DAAM1: variants seen among roughly 807,000 people sequenced by gnomAD.
DAAM1 encodes disheveled-associated activator of morphogenesis 1.
Under a neutral mutation model 130.0 loss-of-function variants are expected in DAAM1, and 52 were observed. The ratio of observed to expected loss-of-function variants is 0.40; its 90% confidence interval spans 0.32 to 0.50. DAAM1 has a LOEUF of 0.50. Among genes scored for constraint, DAAM1 ranks in the 20% least tolerant of loss-of-function variants. The pLI is 0.61. For missense variants in DAAM1, 1,134 were observed against 1,303.8 expected, an observed-to-expected ratio of 0.87 and a Z score of 2.01; for synonymous variants, 452 against 444.5, an observed-to-expected ratio of 1.02 and a Z score of -0.21.
At chr14:59,315,589 ATGT>A (rs1479174774) in intron 4 of DAAM1, among the ~76,000 whole-genome samples, 1 of 152,194 alleles carries the variant, frequency 6.6e-6, no homozygotes, top group Non-Finnish European at 1.5e-5. Flanking sequence ...ATTGAGTTTA[ATGT>A]TGTAAGTGAA....
At chr14:59,347,218 T>C (rs1886118930) in intron 16 of DAAM1, among the ~76,000 whole-genome samples, 1 of 152,230 alleles carries the variant, frequency 6.6e-6, no homozygotes, top group Non-Finnish European at 1.5e-5. Context: ...CTGCAGTTCA[T>C]GGATCCTAAA....
chr14:59,371,105 A>AC lies in DAAM1; in HGVS notation c.*2246_*2247insC, dbSNP rs1887151765. ...GTGCCATTGTTGAAAAGAAAAAAAA[A>AC]AAACAAAAAAAAAACCTACTTTTTA... On this transcript the variant is annotated 3_prime_UTR_variant, in exon 25 of 25. Transcript: ENST00000360909. 3.4e-5 allele frequency: 1 copy of AC among 29,222 alleles called. No homozygotes were observed. Among genetic ancestry groups the AC allele is most frequent in the South Asian group, 1.1e-3 (1 of 936 alleles). The allele number at this position is 29,222 out of a possible 1,614,324, so 1.8% of individuals were successfully genotyped here.
At chr14:59,213,943 A>G (rs1427565112) in intron 1 of DAAM1, among the ~76,000 whole-genome samples, 4 of 152,160 alleles carry the variant, frequency 2.6e-5, no homozygotes, top group African/African-American at 9.7e-5. Context: ...GCAACCTCAG[A>G]GCTTGTTTCT....
chr14:59,212,719 GT>G (rs1482587403), intron 1 of DAAM1, among the ~76,000 whole-genome samples: 9 of 152,158 alleles, frequency 5.9e-5, no homozygotes, highest in African/African-American at 2.2e-4. Flanking sequence ...GTCAGTGTAG[GT>G]AGTAGAATCT....
intron 2 of DAAM1, chr14:59,265,505 G>T (rs1300868502): frequency 6.6e-6 from 1 of 152,190 alleles, no homozygotes; most frequent in Non-Finnish European, 1.5e-5. Context: ...GGCAACAAAA[G>T]AATAATCACA....
chr14:59,370,372 T>C lies in DAAM1; in HGVS notation c.*1513T>C, dbSNP rs1887117530. On this transcript the variant is annotated 3_prime_UTR_variant, in exon 25 of 25. Transcript: ENST00000360909. ...TGTACCAGGCATAGTAGGGCTACAATGGTAAGCAAGACAGAGTCCCTGCCC... is the reference window on the plus strand; with the variant it reads ...TGTACCAGGCATAGTAGGGCTACAACGGTAAGCAAGACAGAGTCCCTGCCC... 6.6e-6 allele frequency: 1 copy of C among 152,000 alleles called. No homozygotes were observed. The highest frequency in any genetic ancestry group is 2.1e-4 in the South Asian group (1 of 4,824). 9.4% of individuals were successfully genotyped at this position (152,000 alleles called of 1,614,324 possible). A position where few individuals can be genotyped will look rare whatever the true frequency, so the allele number is the denominator to read the frequency against.
At chr14:59,289,126 A>C (rs1035143756) in intron 2 of DAAM1, among the ~76,000 whole-genome samples, 7 of 152,034 alleles carry the variant, frequency 4.6e-5, no homozygotes, top group African/African-American at 1.4e-4. Flanking sequence ...CATGTTGTCC[A>C]GGCTGGTCTT....
At chr14:59,192,921 C>T (rs547764297) in intron 1 of DAAM1, among the ~76,000 whole-genome samples, 54 of 152,238 alleles carry the variant, frequency 3.5e-4, no homozygotes, top group African/African-American at 1.2e-3. Context: ...GGTGTGGTGG[C>T]GGGTGCCTGT....
At chr14:59,277,535 A>G (rs1025052188) in intron 2 of DAAM1, among the ~76,000 whole-genome samples, 8 of 150,922 alleles carry the variant, frequency 5.3e-5, no homozygotes, top group Non-Finnish European at 1.0e-4. Context: ...AATATATAAA[A>G]GTATAATTAA....
intron 1 of DAAM1, among the ~76,000 whole-genome samples, chr14:59,217,130 A>G (rs1207189834): frequency 6.6e-6 from 1 of 152,118 alleles, no homozygotes; most frequent in Non-Finnish European, 1.5e-5. Flanking sequence ...GGCAGGGGTG[A>G]GGTAGGGTAA....
rs190725699 is a variant in DAAM1, at chr14:59,232,390, C to T, written c.-37-31051C>T. Reference sequence around the variant, plus strand: ...CAGAAGACCTTTGACTTCCTTTATTCTTGAATCTAAAAATGCAAAGTTGTC... The same window carrying T: ...CAGAAGACCTTTGACTTCCTTTATTTTTGAATCTAAAAATGCAAAGTTGTC... On this transcript the variant is annotated intron_variant, in intron 1 of 24. Transcript: ENST00000360909. Among the ~76,000 whole-genome samples, 182 of 152,232 alleles carry T rather than the reference C, an allele frequency of 1.2e-3. 1 individual carries two copies. Among genetic ancestry groups the T allele is most frequent in the Non-Finnish European group, 1.4e-3 (98 of 67,990 alleles).
At chr14:59,342,853 G>A (rs1024597404) in intron 16 of DAAM1, among the ~76,000 whole-genome samples, 5 of 152,138 alleles carry the variant, frequency 3.3e-5, no homozygotes, top group Non-Finnish European at 7.4e-5. Flanking sequence ...AGGAGGGGCC[G>A]GGAAGGTGGT....
chr14:59,274,280 T>TC (rs1395274822), intron 2 of DAAM1, among the ~76,000 whole-genome samples: 2 of 152,160 alleles, frequency 1.3e-5, no homozygotes, highest in Non-Finnish European at 2.9e-5. Flanking sequence ...AATTAAAAAC[T>TC]CAGAATATAT....
chr14:59,216,396 T>C (rs1432553103), intron 1 of DAAM1, among the ~76,000 whole-genome samples: 1 of 151,966 alleles, frequency 6.6e-6, no homozygotes, highest in East Asian at 1.9e-4. Flanking sequence ...TTTCATAGAG[T>C]AGGCAAAAAA....
Position 59,316,013 on chromosome 14 carries a change from C to T in DAAM1, c.345+662C>T, listed in dbSNP as rs140719189. The stretch of plus-strand genomic sequence containing the variant: ...TCTGTGATGTCAGCATTGCCAGCAG[C>T]TTGAGGGACACCTATTCATCACAGC... On this transcript the variant is annotated intron_variant, in intron 4 of 24. Transcript: ENST00000360909. 2.1e-3 allele frequency among the ~76,000 whole-genome samples: 324 copies of T among 152,298 alleles called. 2 individuals are homozygous for T. The highest frequency in any genetic ancestry group is 7.2e-3 in the African/African-American group (300 of 41,564).
At position 59,198,857 on chromosome 14, in the gene DAAM1, G is replaced by A. The variant is rs1268349555; in HGVS notation, c.-38+10089G>A. Among the ~76,000 whole-genome samples the A allele has an allele frequency of 2.0e-5, 3 of 152,300 alleles. No individual in the cohort carries two copies. The East Asian group carries it at 5.8e-4, about 29-fold the overall frequency. ...TTTAGGTTCAGTTTGGGTAATCGTG[G>A]CAATTCCTTTAAACTTTCCGGACCT... On this transcript the variant is annotated intron_variant, in intron 1 of 24. Transcript: ENST00000360909.
intron 2 of DAAM1, among the ~76,000 whole-genome samples, chr14:59,287,180 C>T (rs1221806578): frequency 1.3e-5 from 2 of 151,954 alleles, no homozygotes; most frequent in African/African-American, 4.8e-5. Flanking sequence ...ATAATAAAAA[C>T]CTTTGATCAT....
chr14:59,273,814 A>G (rs17096000), intron 2 of DAAM1, among the ~76,000 whole-genome samples: 1,873 of 152,326 alleles, frequency 0.012, 40 homozygotes, highest in African/African-American at 0.043. Flanking sequence ...TAGTTTGTGC[A>G]ATTAACTGTA....
chr14:59,355,277 T>C lies in DAAM1; in HGVS notation c.2469T>C (p.Tyr823=). 1.2e-6 allele frequency: 2 copies of C among 1,614,128 alleles called. No individual in the cohort carries two copies. The highest frequency in any genetic ancestry group is 1.7e-6 in the Non-Finnish European group (2 of 1,180,006). ...ATAAAGGTCAAAGAGGGAATGCATA[T>C]GGATTCAAGATATCTAGCCTAAACA... is the stretch of plus-strand genomic sequence containing the variant. The part of the protein sequence containing the change: ...YMNKGQRGNA[Y]GFKISSLNKI... Residue 823 remains tyrosine, a synonymous_variant, in exon 20 of 25, where the codon TAT becomes TAC. Transcript: ENST00000360909.
Sources: allele counts gnomAD v4.1 joint callset (sites outside exome capture counted in the v4.1 genomes callset), GRCh38; gene constraint gnomAD v4.1.1; transcripts MANE v1.5; gene names NCBI Gene and HGNC (gene_info 2026-07-23, HGNC 2026-07-21).